The following C2CD3 variants were observed in gnomAD, a reference collection of about 807,000 sequenced individuals.
C2CD3 encodes C2 domain-containing protein 3.
Under a neutral mutation model 234.0 loss-of-function variants are expected in C2CD3, and 148 were observed. That is an observed-to-expected ratio of 0.63 (90% confidence interval 0.55 to 0.72). The LOEUF is 0.72. Ranked by LOEUF, C2CD3 falls within the 30% of genes least tolerant of loss-of-function variation. The pLI is 0.00. For missense variants in C2CD3, 2,577 were observed against 2,811.5 expected, an observed-to-expected ratio of 0.92 and a Z score of 1.89; for synonymous variants, 1,000 against 1,035.4, an observed-to-expected ratio of 0.97 and a Z score of 0.66.
At chr11:74,110,683 T>TA (rs1956709529) in intron 11 of C2CD3, 1 of 152,256 alleles carries the variant, frequency 6.6e-6, no homozygotes, top group African/African-American at 2.4e-5. Flanking sequence ...CTTGCACTGT[T>TA]ACTATATTTC....
Position 74,048,323 on chromosome 11 carries a change from G to C in C2CD3, c.5377C>G (p.Pro1793Ala). ...GTATCAGAGGCAGGGAAGGAAAAGG[G>C]ACTGTATATTGGGATCTGTAAACAC... ...TSKSLIPIYS[P>A]FSFPASDTYA... Residue 1793 changes from proline (P) to alanine (A), a missense_variant, in exon 28 of 33, where the codon CCC becomes GCC. Pro to Ala is a conservative substitution (Grantham distance 27). Coordinates refer to ENST00000334126, the MANE Select transcript of C2CD3 (RefSeq NM_001286577.2). 6.2e-7 allele frequency: 1 copy of C among 1,613,648 alleles called. No individual in the cohort carries two copies. The highest frequency in any genetic ancestry group is 8.5e-7 in the Non-Finnish European group (1 of 1,179,688).
intron 24 of C2CD3, among the ~76,000 whole-genome samples, chr11:74,062,278 T>C (rs1431462629): frequency 6.6e-6 from 1 of 152,160 alleles, no homozygotes; most frequent in Non-Finnish European, 1.5e-5. Context: ...GCGGACCTAA[T>C]AGACAGCTAC....
chr11:74,114,333 G>A (rs1332503310), intron 10 of C2CD3, 51 bp downstream of exon 10: 7 of 1,241,642 alleles, frequency 5.6e-6, no homozygotes, highest in African/African-American at 1.5e-5. Context: ...ATTACCATCA[G>A]ACACACTTTC....
Position 74,109,029 on chromosome 11 carries a change from A to C in C2CD3, c.1962+5T>G. The C allele has an allele frequency of 6.6e-7, 1 of 1,507,288 alleles. No individual in the cohort carries two copies. The highest frequency in any genetic ancestry group is 1.1e-5 in the South Asian group (1 of 88,118). 93.4% of individuals were successfully genotyped at this position (1,507,288 alleles called of 1,614,324 possible). ...TAAGGCAAAGGCCAAAATCACTCAA[A>C]GTACCTTTTTCTGTGGAGTTTTCTT... is the stretch of plus-strand genomic sequence containing the variant. On this transcript the variant is annotated splice_donor_5th_base_variant and intron_variant, in intron 12 of 32. Coordinates refer to ENST00000334126, the MANE Select transcript of C2CD3 (RefSeq NM_001286577.2).
At chr11:74,129,434 ACGGGGCGG>A (rs1251067439) in intron 7 of C2CD3, 2 of 169,080 alleles carry the variant, frequency 1.2e-5, no homozygotes, top group East Asian at 4.0e-4. Context: ...CACATCCCAG[ACGGGGCGG>A]CGGGGCAGAG....
intron 25 of C2CD3, among the ~76,000 whole-genome samples, chr11:74,056,526 A>G (rs1953954519): frequency 6.6e-6 from 1 of 152,166 alleles, no homozygotes; most frequent in Admixed American, 6.5e-5. Context: ...TGGACCTAAC[A>G]ATGACCTTAT....
At chr11:74,055,903 C>T (rs894342303) in intron 25 of C2CD3, among the ~76,000 whole-genome samples, 3 of 152,188 alleles carry the variant, frequency 2.0e-5, no homozygotes, top group Admixed American at 1.3e-4. Context: ...CCCTTCATCA[C>T]GTTTGTGAAG....
chr11:74,028,434 G>C lies in C2CD3; in HGVS notation c.6810-36C>G. ...AGTTAAGGGACAAAAATACCTAGAAGTCCACCCCTCTTGCAGTGGAGGCCA... is the reference window on the plus strand; with the variant it reads ...AGTTAAGGGACAAAAATACCTAGAACTCCACCCCTCTTGCAGTGGAGGCCA... On this transcript the variant is annotated intron_variant, in intron 31 of 32. Transcript: ENST00000334126. 2.9e-6 allele frequency: 4 copies of C among 1,372,258 alleles called. No individual in the cohort carries two copies. In the East Asian group the frequency reaches 7.5e-5, roughly 26 times the overall value. 85.0% of individuals were successfully genotyped at this position (1,372,258 alleles called of 1,614,324 possible).
rs1290807980 is a variant in C2CD3 at position 74,033,686 on chromosome 11, G to A, written c.6474C>T (p.Ala2158=). 1.0e-5 allele frequency: 16 copies of A among 1,536,162 alleles called. No homozygotes were observed. The highest frequency in any genetic ancestry group is 1.3e-5 in the Non-Finnish European group (15 of 1,146,924). ...ACTCGCCACCAACCCTGGCCTTAGA[G>A]GCCTCACACTCACAAGCAACAAGAC... is the stretch of plus-strand genomic sequence containing the variant. ...SQSLVACECE[A]SKARVGGESA... The change falls in exon 31 of 33, where the codon GCC becomes GCT. Residue 2158 remains alanine (A), a synonymous_variant. Transcript: ENST00000334126.
At chr11:74,112,352 C>T (rs911849938) in intron 11 of C2CD3, among the ~76,000 whole-genome samples, 11 of 151,368 alleles carry the variant, frequency 7.3e-5, no homozygotes, top group Non-Finnish European at 1.6e-4. Flanking sequence ...ACATAAATGT[C>T]TATTATATTA....
chr11:74,033,731 C>T lies in C2CD3; in HGVS notation c.6429G>A (p.Arg2143=), dbSNP rs964336582. ...CAAGACTTTGGCTAGGAGAACCCTGCCTAGGCAGGTGGGGGTTGACAGCCC... is the reference window on the plus strand; with the variant it reads ...CAAGACTTTGGCTAGGAGAACCCTGTCTAGGCAGGTGGGGGTTGACAGCCC... ...PERAVNPHLP[R]QGSPSQSLVA... Residue 2143 remains arginine (R), a synonymous_variant, in exon 31 of 33, where the codon AGG becomes AGA. Transcript: ENST00000334126. The T allele has an allele frequency of 3.3e-6, 5 of 1,536,294 alleles. No homozygotes were observed. The Admixed American group carries it at 9.8e-5, about 30-fold the overall frequency.
intron 32 of C2CD3, among the ~76,000 whole-genome samples, chr11:74,023,655 C>A (rs182984638): frequency 6.6e-6 from 1 of 151,896 alleles, no homozygotes; most frequent in Non-Finnish European, 1.5e-5. Context: ...CTTTCTTTTC[C>A]CCCTCTCCTT....
In C2CD3 at chr11:74,042,247, G is replaced by A. The variant is rs201343602; in HGVS notation, c.5496-29C>T. The A allele has an allele frequency of 1.5e-3, 2,333 of 1,524,490 alleles. 1 individual carries two copies. The highest frequency in any genetic ancestry group is 4.3e-3 in the Admixed American group (235 of 54,656). The allele number at this position is 1,524,490 out of a possible 1,614,324, so 94.4% of individuals were successfully genotyped here. On this transcript the variant is annotated intron_variant, in intron 28 of 32. Coordinates refer to ENST00000334126, the MANE Select transcript of C2CD3 (RefSeq NM_001286577.2). ...TCAAAAAAAAAAAAAAAAAAAGTAGGAGCAAAATAAATTCCCAATCAATGA... is the reference window on the plus strand; with the variant it reads ...TCAAAAAAAAAAAAAAAAAAAGTAGAAGCAAAATAAATTCCCAATCAATGA...
rs769584661 is a variant in C2CD3 at position 74,037,539 on chromosome 11, C to G, written c.5820G>C (p.Gly1940=). 3.7e-6 allele frequency: 6 copies of G among 1,613,970 alleles called. No individual in the cohort carries two copies. The Admixed American group carries it at 1.0e-4, about 27-fold the overall frequency. ...LGPGASSLDP[G]SQCILEKSSN... ...TGGATTTCTCCAGGATACACTGGCT[C>G]CCAGGGTCTAGGCTGCTGGCACCTG... is the stretch of plus-strand genomic sequence containing the variant. Residue 1940 remains glycine (G), a synonymous_variant, in exon 30 of 33, where the codon GGG becomes GGC. Coordinates refer to ENST00000334126, the MANE Select transcript of C2CD3 (RefSeq NM_001286577.2).
At position 74,037,503 on chromosome 11, in the gene C2CD3, C is replaced by T; in HGVS notation, c.5856G>A (p.Val1952=). Residue 1952 remains valine (V), a synonymous_variant, in exon 30 of 33, where the codon GTG becomes GTA. Coordinates refer to ENST00000334126, the MANE Select transcript of C2CD3 (RefSeq NM_001286577.2). The stretch of plus-strand genomic sequence containing the variant: ...CTGTGATTAAGGAGCTGACTTGCAA[C>T]ACCAGGTTACTGGATTTCTCCAGGA... ...QCILEKSSNL[V]LQVSSLITDL... is the part of the protein sequence containing the mutation. 2 of 1,614,024 alleles carry T rather than the reference C, an allele frequency of 1.2e-6. No homozygotes were observed. Among genetic ancestry groups the T allele is most frequent in the Non-Finnish European group, 1.7e-6 (2 of 1,179,944 alleles).
chr11:74,106,977 T>C (rs1956547823), intron 12 of C2CD3, among the ~76,000 whole-genome samples: 1 of 152,216 alleles, frequency 6.6e-6, no homozygotes, highest in South Asian at 2.1e-4. Context: ...AAGCTTTAAA[T>C]ATTTATGCTC....
chr11:74,034,497 G>T (rs957861460), intron 30 of C2CD3: 22 of 1,592,194 alleles, frequency 1.4e-5, no homozygotes, highest in Admixed American at 1.7e-5. Context: ...ATCTATAGTT[G>T]TGGATACATC....
chr11:74,077,692 G>A (rs2135464052), intron 23 of C2CD3, among the ~76,000 whole-genome samples: 1 of 147,030 alleles, frequency 6.8e-6, no homozygotes, highest in Admixed American at 6.9e-5. Flanking sequence ...ACAGGTTGAT[G>A]GGTGCAGCAA....
intron 22 of C2CD3, among the ~76,000 whole-genome samples, chr11:74,082,431 T>C (rs568274170): frequency 6.6e-5 from 10 of 152,304 alleles, no homozygotes; most frequent in African/African-American, 2.4e-4. Flanking sequence ...GGGTTTATCA[T>C]AAATAGCTCT....
Sources: allele counts gnomAD v4.1 joint callset (sites outside exome capture counted in the v4.1 genomes callset), GRCh38; gene constraint gnomAD v4.1.1; transcripts MANE v1.5; gene names NCBI Gene and HGNC (gene_info 2026-07-23, HGNC 2026-07-21).